The following BACH2 variants were observed in gnomAD, a reference collection of about 807,000 sequenced individuals.
BACH2 encodes the protein BACH transcriptional regulator 2.
A neutral mutation model predicts 61.8 loss-of-function variants in BACH2; 5 were observed. The ratio of observed to expected loss-of-function variants is 0.08; its 90% CI spans 0.04 to 0.17. The LOEUF (loss-of-function observed/expected upper bound fraction) is 0.17, where lower values mean the gene tolerates loss of function less well. BACH2 is among the 10% of genes least tolerant of loss of function. The pLI is 1.00. For synonymous variants in BACH2, 446 were observed against 440.1 expected (o/e 1.01, Z -0.17); for missense variants, 824 against 1,091.1 (o/e 0.76, Z 3.45).
chr6:90,177,777 G>T (rs1056754899), intron 4 of BACH2, among the ~76,000 whole-genome samples: 2 of 152,120 alleles, frequency 1.3e-5, no homozygotes, highest in Non-Finnish European at 2.9e-5. Context: ...CCTCATGGGG[G>T]AAATGCCATC....
chr6:90,165,646 G>A (rs1767584022), intron 4 of BACH2, among the ~76,000 whole-genome samples: 1 of 152,078 alleles, frequency 6.6e-6, no homozygotes, highest in Non-Finnish European at 1.5e-5. Context: ...CACACTACCT[G>A]ACTTCAAACT....
At chr6:90,084,306 G>A (rs909514739) in intron 5 of BACH2, among the ~76,000 whole-genome samples, 6 of 151,972 alleles carry the variant, frequency 3.9e-5, no homozygotes, top group Non-Finnish European at 5.9e-5. Flanking sequence ...ATGTCATTTT[G>A]TCTCGGTGAC....
At chr6:89,980,878 G>T (rs1775911897) in intron 6 of BACH2, among the ~76,000 whole-genome samples, 1 of 149,840 alleles carries the variant, frequency 6.7e-6, no homozygotes, top group Non-Finnish European at 1.5e-5. Flanking sequence ...TCATACTATT[G>T]ACTGTGTATG....
At chr6:90,174,509 T>C (rs902744476) in intron 4 of BACH2, among the ~76,000 whole-genome samples, 18 of 152,040 alleles carry the variant, frequency 1.2e-4, no homozygotes, top group Non-Finnish European at 2.1e-4. Flanking sequence ...TTGGAGATTC[T>C]TGCCAGTTCA....
At chr6:90,216,796 G>A (rs1004301462) in intron 3 of BACH2, among the ~76,000 whole-genome samples, 7 of 152,174 alleles carry the variant, frequency 4.6e-5, no homozygotes, top group African/African-American at 1.7e-4. Context: ...CAATGCTGTA[G>A]ACATTTTTGG....
At chr6:90,114,804 CA>C (rs1783322434) in intron 4 of BACH2, among the ~76,000 whole-genome samples, 1 of 152,120 alleles carries the variant, frequency 6.6e-6, no homozygotes, top group Non-Finnish European at 1.5e-5. Flanking sequence ...AGCTCATAAA[CA>C]ACTTCAACGA....
chr6:90,295,686 G>A (rs1263989778), intron 1 of BACH2, among the ~76,000 whole-genome samples: 3 of 140,820 alleles, frequency 2.1e-5, no homozygotes, highest in East Asian at 2.1e-4. Context: ...TGTGTGTGTT[G>A]CACCTTGACT....
At chr6:89,993,148 A>G (rs1776668612) in intron 6 of BACH2, among the ~76,000 whole-genome samples, 1 of 152,212 alleles carries the variant, frequency 6.6e-6, no homozygotes, top group African/African-American at 2.4e-5. Context: ...CTCTAGAACT[A>G]AGAGAAAATG....
intron 4 of BACH2, among the ~76,000 whole-genome samples, chr6:90,188,057 T>G (rs991021972): frequency 6.6e-6 from 1 of 152,178 alleles, no homozygotes; most frequent in Non-Finnish European, 1.5e-5. Context: ...CCTAAAGACT[T>G]AAAATGCACT....
At chr6:90,052,576 T>C (rs3930251) in intron 5 of BACH2, among the ~76,000 whole-genome samples, 45,735 of 152,038 alleles carry the variant, frequency 0.3, 7,562 homozygotes, top group East Asian at 0.68. Context: ...CAGGCCAGCA[T>C]GCCTGGCTAA....
At chr6:90,253,571 T>A (rs1770881767) in intron 2 of BACH2, among the ~76,000 whole-genome samples, 1 of 152,146 alleles carries the variant, frequency 6.6e-6, no homozygotes, top group African/African-American at 2.4e-5. Flanking sequence ...AAGTGCTATG[T>A]CCCTCATGAA....
At chr6:90,214,359 G>C (rs772236082) in intron 3 of BACH2, among the ~76,000 whole-genome samples, 1 of 151,298 alleles carries the variant, frequency 6.6e-6, no homozygotes, top group Non-Finnish European at 1.5e-5. Flanking sequence ...TGGCGGGGCG[G>C]GGGGAGGGGG....
At chr6:90,028,129 T>C (rs1417788068) in intron 5 of BACH2, among the ~76,000 whole-genome samples, 1 of 152,186 alleles carries the variant, frequency 6.6e-6, no homozygotes, top group Non-Finnish European at 1.5e-5. Flanking sequence ...CAACATCCCT[T>C]GATGACTGTG....
intron 4 of BACH2, among the ~76,000 whole-genome samples, chr6:90,090,314 A>T (rs1005662924): frequency 6.6e-6 from 1 of 152,088 alleles, no homozygotes; most frequent in African/African-American, 2.4e-5. Flanking sequence ...TGAATATCAG[A>T]TTGTCTTGAA....
At chr6:90,070,476 G>A (rs1781172567) in intron 5 of BACH2, among the ~76,000 whole-genome samples, 1 of 152,102 alleles carries the variant, frequency 6.6e-6, no homozygotes, top group South Asian at 2.1e-4. Context: ...CTGAGTACCA[G>A]GCCAAGCAGA....
At chr6:90,018,866 C>G (rs954063476) in intron 5 of BACH2, among the ~76,000 whole-genome samples, 1 of 151,992 alleles carries the variant, frequency 6.6e-6, no homozygotes, top group Non-Finnish European at 1.5e-5. Flanking sequence ...GGGGTAAGAT[C>G]GAGTTCACCT....
chr6:90,290,583 T>A (rs140329211), intron 1 of BACH2, among the ~76,000 whole-genome samples: 15 of 152,332 alleles, frequency 9.8e-5, no homozygotes, highest in African/African-American at 3.1e-4. Context: ...AAAGAAAAAT[T>A]GCCAAAAATC....
At chr6:90,091,971 T>C (rs1782177682) in intron 4 of BACH2, among the ~76,000 whole-genome samples, 1 of 152,032 alleles carries the variant, frequency 6.6e-6, no homozygotes, top group South Asian at 2.1e-4. Context: ...TTCAGGTATA[T>C]GCCTAAGTTT....
intron 5 of BACH2, among the ~76,000 whole-genome samples, chr6:90,014,995 G>C (rs1047854004): frequency 6.8e-6 from 1 of 147,054 alleles, no homozygotes; most frequent in Non-Finnish European, 1.5e-5. Flanking sequence ...TACCCAGGCT[G>C]GTCTTCAACT....
Sources: allele counts gnomAD v4.1 joint callset (sites outside exome capture counted in the v4.1 genomes callset), GRCh38; gene constraint gnomAD v4.1.1; transcripts MANE v1.5; gene names NCBI Gene and HGNC (gene_info 2026-07-23, HGNC 2026-07-21).